Variants in ADAM23 observed in about 807,000 individuals in gnomAD.
ADAM23 encodes the protein ADAM metallopeptidase domain 23, also known as disintegrin and metalloproteinase domain-containing protein 23.
ADAM23 carries 33 observed loss-of-function variants against 120.1 expected under a neutral mutation model. The ratio of observed to expected loss-of-function variants is 0.27; its 90% CI spans 0.21 to 0.37. The LOEUF (loss-of-function observed/expected upper bound fraction) is 0.37, where lower values mean the gene tolerates loss of function less well. Among genes scored for constraint, ADAM23 ranks in the 10% least tolerant of loss-of-function variants. The pLI is 1.00. For missense variants in ADAM23, 862 were observed against 1,058.2 expected (o/e 0.81, Z 2.57); for synonymous variants, 367 against 375.2 (o/e 0.98, Z 0.25).
chr2:206,502,950 C>T (rs1484105652), intron 3 of ADAM23, among the ~76,000 whole-genome samples: 7 of 152,080 alleles, frequency 4.6e-5, no homozygotes, highest in Middle Eastern at 3.2e-3. Context: ...GTAGATTCCC[C>T]GTGGCTCTCC....
chr2:206,515,283 G>T (rs1212596588), intron 3 of ADAM23, among the ~76,000 whole-genome samples: 1 of 152,150 alleles, frequency 6.6e-6, no homozygotes, highest in Non-Finnish European at 1.5e-5. Flanking sequence ...TCCAGCCACG[G>T]CAGTTTTGGT....
intron 8 of ADAM23, among the ~76,000 whole-genome samples, chr2:206,548,948 A>C (rs934270756): frequency 2.9e-4 from 44 of 152,138 alleles, no homozygotes; most frequent in African/African-American, 1.0e-3. Flanking sequence ...GTATTGATAA[A>C]CGTATAGGGG....
At chr2:206,574,735 G>A (rs1186769510) in intron 18 of ADAM23, among the ~76,000 whole-genome samples, 1 of 152,040 alleles carries the variant, frequency 6.6e-6, no homozygotes, top group Non-Finnish European at 1.5e-5. Context: ...ATGTAGCCCT[G>A]GCTTCATGGC....
intron 2 of ADAM23, among the ~76,000 whole-genome samples, chr2:206,459,805 A>C (rs917292326): frequency 2.6e-5 from 4 of 152,180 alleles, no homozygotes; most frequent in Admixed American, 2.6e-4. Context: ...TGCTTAGGCC[A>C]AAAACCTTTT....
At chr2:206,565,638 G>A (rs529524356) in intron 14 of ADAM23, among the ~76,000 whole-genome samples, 1 of 152,286 alleles carries the variant, frequency 6.6e-6, no homozygotes, top group African/African-American at 2.4e-5. Context: ...TTGCTTCAGT[G>A]AACCAAGGCC....
chr2:206,530,303 C>T (rs1251471727), intron 3 of ADAM23, among the ~76,000 whole-genome samples: 1 of 152,180 alleles, frequency 6.6e-6, no homozygotes, highest in African/African-American at 2.4e-5. Flanking sequence ...TAGTGGAGCC[C>T]GCATGGCCCA....
chr2:206,563,156 G>A (rs745800537), intron 13 of ADAM23, among the ~76,000 whole-genome samples: 1 of 152,156 alleles, frequency 6.6e-6, no homozygotes, highest in Non-Finnish European at 1.5e-5. Flanking sequence ...TGGAAAGAGA[G>A]ACCAAAGTGT....
chr2:206,614,653 A>T (rs1255567237), intron 25 of ADAM23, among the ~76,000 whole-genome samples: 1 of 147,348 alleles, frequency 6.8e-6, no homozygotes, highest in Admixed American at 6.7e-5. Flanking sequence ...ACTCTGTCTC[A>T]AAAAAAAAAA....
chr2:206,443,997 G>T lies in ADAM23; in HGVS notation c.131G>T (p.Cys44Phe). Residue 44 changes from cysteine to phenylalanine, a missense_variant, in exon 1 of 26, where the codon TGC becomes TTC. Cys to Phe is a radical substitution (Grantham distance 205, BLOSUM62 -2). This residue lies in a region of ADAM23 where 225 missense variants were observed against 204.0 expected (regional missense o/e 1.10). Coordinates refer to ENST00000264377, the MANE Select transcript of ADAM23 (RefSeq NM_003812.4). ...AGCGCCCCGGCCCGCACGCCGCCCTGCCGCCTGCTTCTCGTCCTTCTCCTG... is the reference window on the plus strand; with the variant it reads ...AGCGCCCCGGCCCGCACGCCGCCCTTCCGCCTGCTTCTCGTCCTTCTCCTG... ...PASAPARTPP[C>F]RLLLVLLLLP... The T allele has an allele frequency of 7.1e-7, 1 of 1,401,116 alleles. No individual in the cohort carries two copies. Among genetic ancestry groups the T allele is most frequent in the Non-Finnish European group, 9.3e-7 (1 of 1,073,644 alleles). The allele number at this position is 1,401,116 out of a possible 1,614,324, so 86.8% of individuals were successfully genotyped here. A position where few individuals can be genotyped will look rare whatever the true frequency, so the allele number is the denominator to read the frequency against.
At position 206,474,147 on chromosome 2, in the gene ADAM23, C is replaced by T. The variant is rs200956382; in HGVS notation, c.433-7085C>T. ...TAGCCCATAATACTATCAATTGGAA[C>T]ATGGTAGAAGAAAACATGATAATAT... On this transcript the variant is annotated intron_variant, in intron 2 of 25. Coordinates refer to ENST00000264377, the MANE Select transcript of ADAM23 (RefSeq NM_003812.4). Among the ~76,000 whole-genome samples, 4 of 151,826 alleles carry T rather than the reference C, an allele frequency of 2.6e-5. No individual in the cohort carries two copies. In the East Asian group the frequency reaches 7.8e-4, roughly 29 times the overall value.
At chr2:206,461,818 G>A (rs1436786963) in intron 2 of ADAM23, among the ~76,000 whole-genome samples, 3 of 152,208 alleles carry the variant, frequency 2.0e-5, no homozygotes, top group Non-Finnish European at 4.4e-5. Context: ...GGTTGCATTT[G>A]TGGACAAGCT....
At chr2:206,582,070 G>C (rs1356532221) in intron 18 of ADAM23, among the ~76,000 whole-genome samples, 1 of 152,162 alleles carries the variant, frequency 6.6e-6, no homozygotes, top group Non-Finnish European at 1.5e-5. Context: ...TAGAGACAGA[G>C]TTTCACTATG....
intron 2 of ADAM23, among the ~76,000 whole-genome samples, chr2:206,450,542 T>A (rs553105897): frequency 4.3e-4 from 66 of 152,150 alleles, no homozygotes; most frequent in Non-Finnish European, 2.9e-4. Context: ...AATACTCAAG[T>A]ATTTTTGGCA....
chr2:206,513,507 A>G (rs180916810), intron 3 of ADAM23, among the ~76,000 whole-genome samples: 1 of 152,362 alleles, frequency 6.6e-6, no homozygotes, highest in Admixed American at 6.5e-5. Context: ...GTTTGAAGCT[A>G]GCAGAATTTG....
intron 2 of ADAM23, among the ~76,000 whole-genome samples, chr2:206,474,533 C>G (rs535310151): frequency 6.6e-6 from 1 of 152,186 alleles, no homozygotes; most frequent in African/African-American, 2.4e-5. Flanking sequence ...TCCTAAATGA[C>G]TGAGCTTTTT....
intron 3 of ADAM23, among the ~76,000 whole-genome samples, chr2:206,518,846 G>A (rs1032873623): frequency 5.9e-5 from 9 of 152,126 alleles, no homozygotes; most frequent in African/African-American, 1.9e-4. Flanking sequence ...AGCACCTTCT[G>A]AAAAAGATGG....
At chr2:206,471,889 T>C (rs1318714606) in intron 2 of ADAM23, among the ~76,000 whole-genome samples, 2 of 152,214 alleles carry the variant, frequency 1.3e-5, no homozygotes, top group African/African-American at 2.4e-5. Flanking sequence ...TCAAAAAATA[T>C]ATGAAAGTGA....
rs753216645 is a variant in ADAM23 at position 206,620,386 on chromosome 2, T to C, written c.*2759T>C. Reference sequence around the variant, plus strand: ...ACACAAGCTTTAAGCTATGTGTGTATGAATATGAAAGTTAATGCAACCATA... The same window carrying C: ...ACACAAGCTTTAAGCTATGTGTGTACGAATATGAAAGTTAATGCAACCATA... On this transcript the variant is annotated 3_prime_UTR_variant, in exon 26 of 26. Transcript: ENST00000264377. 1 of 152,226 alleles carries C rather than the reference T, an allele frequency of 6.6e-6. No individual in the cohort carries two copies. Among genetic ancestry groups the C allele is most frequent in the Non-Finnish European group, 1.5e-5 (1 of 68,042 alleles). 9.4% of individuals were successfully genotyped at this position (152,226 alleles called of 1,614,324 possible).
Position 206,588,737 on chromosome 2 carries a change from G to C in ADAM23, c.1852+583G>C, listed in dbSNP as rs182912022. On this transcript the variant is annotated intron_variant, in intron 20 of 25. Coordinates refer to ENST00000264377, the MANE Select transcript of ADAM23 (RefSeq NM_003812.4). ...AATATCAGTTCATGAGGGCCAGACG[G>C]GGGGAAGAATGAGAAATGCGTCTGC... 1.2e-3 allele frequency among the ~76,000 whole-genome samples: 177 copies of C among 152,284 alleles called. 2 individuals carry two copies. The highest frequency in any genetic ancestry group is 4.1e-3 in the African/African-American group (170 of 41,564).
Sources: allele counts gnomAD v4.1 joint callset (sites outside exome capture counted in the v4.1 genomes callset), GRCh38; gene constraint gnomAD v4.1.1; regional missense constraint gnomAD v4.1.1; transcripts MANE v1.5; gene names NCBI Gene and HGNC (gene_info 2026-07-23, HGNC 2026-07-21).